TYR: variants seen among roughly 807,000 people sequenced by gnomAD.
TYR encodes the protein LB24-AB.
TYR carries 58 observed loss-of-function variants against 51.5 expected under a neutral mutation model. That is an observed-to-expected ratio of 1.13 (90% CI 0.91 to 1.40). The LOEUF is 1.40. TYR is among the 40% of genes most tolerant of loss of function. TYR has a pLI of 0.00. For missense variants in TYR, 732 were observed against 647.4 expected (o/e 1.13, Z -1.42); for synonymous variants, 263 against 235.2 (o/e 1.12, Z -1.08).
intron 3 of TYR, among the ~76,000 whole-genome samples, chr11:89,256,510 A>G (rs1944393721): frequency 6.6e-6 from 1 of 151,726 alleles, no homozygotes; most frequent in Non-Finnish European, 1.5e-5. Flanking sequence ...CATGTTTCAT[A>G]TTAGTCAAGA....
chr11:89,223,229 A>T (rs1465330663), intron 2 of TYR, among the ~76,000 whole-genome samples: 2 of 152,250 alleles, frequency 1.3e-5, no homozygotes, highest in African/African-American at 2.4e-5. Context: ...TATCACAAGT[A>T]GCCCTGAGAT....
At chr11:89,244,842 T>C (rs1944243347) in intron 3 of TYR, among the ~76,000 whole-genome samples, 1 of 152,246 alleles carries the variant, frequency 6.6e-6, no homozygotes, top group Non-Finnish European at 1.5e-5. Flanking sequence ...AAGTGATTAC[T>C]AAATACTATT....
intron 1 of TYR, among the ~76,000 whole-genome samples, chr11:89,181,198 T>C (rs1316636938): frequency 6.6e-6 from 1 of 152,116 alleles, no homozygotes; most frequent in Non-Finnish European, 1.5e-5. Context: ...GTACTTTTAG[T>C]AGAGATGGGG....
chr11:89,229,477 G>T (rs1292876433), intron 3 of TYR, among the ~76,000 whole-genome samples: 1 of 151,538 alleles, frequency 6.6e-6, no homozygotes, highest in Non-Finnish European at 1.5e-5. Flanking sequence ...ACTACCCAGT[G>T]AACTCTAAAG....
At chr11:89,288,189 C>A (rs1944814359) in intron 4 of TYR, among the ~76,000 whole-genome samples, 1 of 151,926 alleles carries the variant, frequency 6.6e-6, no homozygotes, top group African/African-American at 2.4e-5. Flanking sequence ...ATGCGAGAGA[C>A]ATCAGCATAT....
At chr11:89,242,616 G>A (rs1944213916) in intron 3 of TYR, among the ~76,000 whole-genome samples, 1 of 152,178 alleles carries the variant, frequency 6.6e-6, no homozygotes, top group South Asian at 2.1e-4. Flanking sequence ...CTGACAACTA[G>A]CATTTCAGAA....
intron 1 of TYR, among the ~76,000 whole-genome samples, chr11:89,184,758 A>C (rs1361277762): frequency 2.0e-5 from 3 of 152,328 alleles, no homozygotes; most frequent in Non-Finnish European, 4.4e-5. Context: ...GTTCATTGCC[A>C]GTAAGAAAAT....
At chr11:89,277,655 C>T (rs577510104) in intron 3 of TYR, among the ~76,000 whole-genome samples, 76 of 151,812 alleles carry the variant, frequency 5.0e-4, no homozygotes, top group African/African-American at 1.8e-3. Context: ...CCCTAATATT[C>T]CACTTCTTCA....
At chr11:89,262,054 C>T (rs1279953118) in intron 3 of TYR, among the ~76,000 whole-genome samples, 1 of 151,938 alleles carries the variant, frequency 6.6e-6, no homozygotes, top group Non-Finnish European at 1.5e-5. Context: ...GTGGCAATGA[C>T]AGAGATTTTT....
At chr11:89,195,534 C>T (rs1162710158) in intron 2 of TYR, among the ~76,000 whole-genome samples, 1 of 152,008 alleles carries the variant, frequency 6.6e-6, no homozygotes, top group Admixed American at 6.6e-5. Context: ...CAAAAATTAG[C>T]CAGGCATGGT....
At chr11:89,278,067 G>A (rs1201714031) in intron 3 of TYR, among the ~76,000 whole-genome samples, 2 of 151,598 alleles carry the variant, frequency 1.3e-5, no homozygotes, top group Non-Finnish European at 3.0e-5. Flanking sequence ...GATCCCTATA[G>A]ACATATTGGT....
At chr11:89,266,520 CCAA>C (rs552959250) in intron 3 of TYR, among the ~76,000 whole-genome samples, 13 of 151,858 alleles carry the variant, frequency 8.6e-5, no homozygotes, top group East Asian at 1.9e-4. Flanking sequence ...TCTAATCCCT[CCAA>C]CAACAACAAC....
intron 2 of TYR, among the ~76,000 whole-genome samples, chr11:89,195,192 T>C (rs1303289268): frequency 3.9e-5 from 6 of 152,212 alleles, no homozygotes; most frequent in Admixed American, 3.3e-4. Context: ...ACCTCAAAGT[T>C]ATTGCTTCCT....
intron 1 of TYR, among the ~76,000 whole-genome samples, chr11:89,179,905 A>C (rs781740518): frequency 6.6e-6 from 1 of 152,208 alleles, no homozygotes. Context: ...CTAATACAGC[A>C]CTTTTGACTA....
intron 1 of TYR, among the ~76,000 whole-genome samples, chr11:89,179,472 T>C (rs1393613701): frequency 6.6e-6 from 1 of 152,180 alleles, no homozygotes; most frequent in South Asian, 2.1e-4. Context: ...GTTCATTTCA[T>C]GCTCTTATCA....
rs1032271609 is a variant in TYR at position 89,232,084 on chromosome 11, G to A, written c.1184+4114G>A. The stretch of plus-strand genomic sequence containing the variant: ...ATTCTTGAAAATTGCTAAGAAAGTA[G>A]ATTTTAACTGTTCTTAGCACACGAA... On this transcript the variant is annotated intron_variant, in intron 3 of 4. Coordinates refer to ENST00000263321, the MANE Select transcript of TYR (RefSeq NM_000372.5). 8.4e-5 allele frequency among the ~76,000 whole-genome samples: 12 copies of A among 142,758 alleles called. 1 individual carries two copies. The highest frequency in any genetic ancestry group is 2.2e-4 in the African/African-American group (8 of 36,068). 93.7% of individuals were successfully genotyped at this position (142,758 alleles called of 152,430 possible). A position where few individuals can be genotyped will look rare whatever the true frequency, so the allele number is the denominator to read the frequency against.
At chr11:89,281,775 A>G (rs1944724662) in intron 3 of TYR, among the ~76,000 whole-genome samples, 1 of 151,784 alleles carries the variant, frequency 6.6e-6, no homozygotes, top group African/African-American at 2.4e-5. Context: ...CAGAGGTCCC[A>G]TGCCAGCTTT....
chr11:89,189,715 T>A (rs1943417520), intron 1 of TYR, among the ~76,000 whole-genome samples: 1 of 152,122 alleles, frequency 6.6e-6, no homozygotes, highest in Admixed American at 6.6e-5. Flanking sequence ...TCTATAACTA[T>A]GTGAGGTAGT....
chr11:89,197,561 G>T (rs559075583), intron 2 of TYR, among the ~76,000 whole-genome samples: 1 of 152,238 alleles, frequency 6.6e-6, no homozygotes, highest in African/African-American at 2.4e-5. Context: ...ATTAAACAAG[G>T]AATTGATATT....
Sources: gnomAD v4.1 joint callset for allele counts (sites outside exome capture counted in the v4.1 genomes callset) on GRCh38, gnomAD v4.1.1 for gene constraint, MANE v1.5 for transcripts, NCBI Gene and HGNC (gene_info 2026-07-23, HGNC 2026-07-21) for gene names.